Variants in VNN2 observed in about 807,000 individuals in gnomAD.
The protein encoded by VNN2 is vanin 2.
VNN2 carries 43 observed loss-of-function variants against 43.0 expected under a neutral mutation model. The ratio of observed to expected loss-of-function variants is 1.00; its 90% CI spans 0.78 to 1.29. The LOEUF (loss-of-function observed/expected upper bound fraction) is 1.29. Ranked by LOEUF, VNN2 falls within the 50% of genes most tolerant of loss-of-function variation. The pLI is 0.00. For missense variants in VNN2, 652 were observed against 619.7 expected, an observed-to-expected ratio of 1.05 and a Z score of -0.55; for synonymous variants, 230 against 224.3, an observed-to-expected ratio of 1.03 and a Z score of -0.23.
At chr6:132,757,609 T>C (rs1582838393) in intron 1 of VNN2, 62 bp downstream of exon 1, 1 of 1,607,596 alleles carries the variant, frequency 6.2e-7, no homozygotes. Context: ...TTCAGCTCTC[T>C]CGTCTTCCAC....
intron 6 of VNN2, among the ~76,000 whole-genome samples, chr6:132,745,649 G>A (rs1779672000): frequency 6.6e-6 from 1 of 152,192 alleles, no homozygotes; most frequent in South Asian, 2.1e-4. Context: ...TCACACCACT[G>A]GCTAGCGCTG....
At chr6:132,745,878 G>A (rs1367888445) in intron 6 of VNN2, among the ~76,000 whole-genome samples, 1 of 152,240 alleles carries the variant, frequency 6.6e-6, no homozygotes, top group East Asian at 1.9e-4. Context: ...TGTGGAAATG[G>A]AGTTGGAATG....
intron 3 of VNN2, among the ~76,000 whole-genome samples, chr6:132,754,531 T>A (rs958901792): frequency 5.3e-5 from 8 of 152,306 alleles, no homozygotes; most frequent in African/African-American, 1.4e-4. Flanking sequence ...CAGGAGATAA[T>A]TTCTCCACTC....
intron 6 of VNN2, among the ~76,000 whole-genome samples, chr6:132,746,103 A>G (rs34994868): frequency 1.4e-4 from 22 of 152,348 alleles, no homozygotes; most frequent in Non-Finnish European, 2.8e-4. Flanking sequence ...TAGGAAATTC[A>G]GAGGTTAAGT....
chr6:132,746,437 C>T (rs1162665767), intron 6 of VNN2, among the ~76,000 whole-genome samples: 1 of 152,082 alleles, frequency 6.6e-6, no homozygotes, highest in Non-Finnish European at 1.5e-5. Flanking sequence ...TTGTCATCTT[C>T]AATATTATGA....
rs768497730 is a variant in VNN2, at chr6:132,751,450, G to A, written c.895C>T (p.Leu299Phe). ...HYDMKTELGK[L>F]LLSEVDSHPL... The stretch of plus-strand genomic sequence containing the variant: ...TGTGAATCCACCTCTGAAAGGAGAA[G>A]TTTTCCCAACTCTGTCTTCATGTCA... Residue 299 changes from leucine (L) to phenylalanine (F), a missense_variant, in exon 5 of 7, where the codon CTT (leucine) becomes TTT (phenylalanine). Transcript: ENST00000326499. The A allele has an allele frequency of 2.5e-6, 4 of 1,614,026 alleles. No homozygotes were observed. Among genetic ancestry groups the A allele is most frequent in the African/African-American group, 1.3e-5 (1 of 74,924 alleles).
intron 5 of VNN2, 126 bp from the exon 6 acceptor site, chr6:132,749,991 A>T (rs894534285): frequency 2.2e-6 from 2 of 914,748 alleles, no homozygotes; most frequent in Admixed American, 3.3e-5. Flanking sequence ...GATTTGGATC[A>T]TGTGTCTTAT....
rs1424879380 is a variant in VNN2, at chr6:132,752,659, T to A, written c.628A>T (p.Thr210Ser). The A allele has an allele frequency of 2.5e-6, 4 of 1,613,996 alleles. No individual in the cohort carries two copies. The highest frequency in any genetic ancestry group is 3.3e-5 in the Admixed American group (2 of 59,992). ...TCATAGAAGAATATATCAAAGCACG[T>A]GAAAATGCCAAACCTTCCAAATGCG... The part of the protein sequence containing the change: ...NTAFGRFGIF[T>S]CFDIFFYDPG... Residue 210 changes from threonine (T) to serine (S), a missense_variant, in exon 4 of 7, where the codon ACG becomes TCG. Coordinates refer to ENST00000326499, the MANE Select transcript of VNN2 (RefSeq NM_004665.6).
intron 3 of VNN2, among the ~76,000 whole-genome samples, chr6:132,755,520 T>C (rs983379473): frequency 3.3e-5 from 5 of 151,958 alleles, no homozygotes; most frequent in African/African-American, 1.2e-4. Flanking sequence ...ACTACAGGCA[T>C]GTGCCATCAC....
chr6:132,750,516 T>A (rs1396185530), intron 5 of VNN2, among the ~76,000 whole-genome samples: 11 of 145,668 alleles, frequency 7.6e-5, no homozygotes, highest in Non-Finnish European at 1.1e-4. Context: ...TATATATATT[T>A]TTCCAGGTGT....
Position 132,756,863 on chromosome 6 carries a change from C to T in VNN2, c.344+553G>A, listed in dbSNP as rs35453603. ...ATGCCAGACTTGTCCATGCAACTGC[C>T]ACGTTGACACCTCCAGGATGACAGT... On this transcript the variant is annotated intron_variant, in intron 2 of 6. Coordinates refer to ENST00000326499, the MANE Select transcript of VNN2 (RefSeq NM_004665.6). Among the ~76,000 whole-genome samples the T allele has an allele frequency of 3.3e-3, 497 of 152,254 alleles. 1 individual carries two copies. The highest frequency in any genetic ancestry group is 0.012 in the African/African-American group (481 of 41,542).
chr6:132,748,471 C>G (rs1212739777), intron 6 of VNN2, among the ~76,000 whole-genome samples: 1 of 152,174 alleles, frequency 6.6e-6, no homozygotes, highest in Admixed American at 6.5e-5. Context: ...ACAGCAGATA[C>G]AGATACATGA....
intron 5 of VNN2, 122 bp from the exon 6 acceptor site, chr6:132,749,987 G>A: frequency 1.0e-6 from 1 of 955,414 alleles, no homozygotes; most frequent in Admixed American, 3.3e-5. Flanking sequence ...AAGGGATTTG[G>A]ATCATGTGTC....
chr6:132,756,400 T>C (rs934978574), intron 2 of VNN2, among the ~76,000 whole-genome samples: 1 of 152,196 alleles, frequency 6.6e-6, no homozygotes, highest in African/African-American at 2.4e-5. Flanking sequence ...CTCATCTCTC[T>C]CTTAAAGCAA....
At chr6:132,754,133 A>G (rs1412115150) in intron 3 of VNN2, among the ~76,000 whole-genome samples, 2 of 152,162 alleles carry the variant, frequency 1.3e-5, no homozygotes, top group Non-Finnish European at 2.9e-5. Context: ...CATTCAGTGC[A>G]CTGTGCCATC....
rs1384301372 is a variant in VNN2 at position 132,751,356 on chromosome 6, A to G, written c.989T>C (p.Phe330Ser). The stretch of plus-strand genomic sequence containing the variant: ...CCTGAAAGTGTTTTTCTGTACTGGA[A>G]ATGGTTTGATGGTGGTGGCGTAGGC... ...WNAYATTIKP[F>S]PVQKNTFRGF... The change falls in exon 5 of 7, where the codon TTT (phenylalanine) becomes TCT (serine). Residue 330 changes from phenylalanine to serine, a missense_variant. By Grantham distance (155) the Phe-to-Ser change is radical. Transcript: ENST00000326499. 2 of 1,614,036 alleles carry G rather than the reference A, an allele frequency of 1.2e-6. No homozygotes were observed. The highest frequency in any genetic ancestry group is 1.7e-6 in the Non-Finnish European group (2 of 1,180,022).
At position 132,754,082 on chromosome 6, in the gene VNN2, A is replaced by G. The variant is rs567690771; in HGVS notation, c.538-1333T>C. The G allele has an allele frequency of 2.0e-5, 3 of 152,250 alleles. No homozygotes were observed. The East Asian group carries it at 5.8e-4, about 29-fold the overall frequency. 9.4% of individuals were successfully genotyped at this position (152,250 alleles called of 1,614,324 possible). A position where few individuals can be genotyped will look rare whatever the true frequency, so the allele number is the denominator to read the frequency against. On this transcript the variant is annotated intron_variant, in intron 3 of 6. Coordinates refer to ENST00000326499, the MANE Select transcript of VNN2 (RefSeq NM_004665.6). ...CTCAGGGAAGAGTGAGAGCCTTTCA[A>G]CTTAGACAGGGTGACTGCAGGTTCC... is the stretch of plus-strand genomic sequence containing the variant.
chr6:132,752,523 G>A lies in VNN2; in HGVS notation c.764C>T (p.Ala255Val), dbSNP rs143802266. ...AAGAAGATTAACTCCCATTCCCATT[G>A]CCCAAGCTGAATGGAATTCAATAGC... is the stretch of plus-strand genomic sequence containing the variant. ...LTAIEFHSAW[A>V]MGMGVNLLVA... The change falls in exon 4 of 7, where the codon GCA becomes GTA. Residue 255 changes from alanine (A) to valine (V), a missense_variant. Physicochemically the swap from Ala to Val is moderately conservative, Grantham distance 64. Coordinates refer to ENST00000326499, the MANE Select transcript of VNN2 (RefSeq NM_004665.6). 1 of 1,613,974 alleles carries A rather than the reference G, an allele frequency of 6.2e-7. No individual in the cohort carries two copies. Among genetic ancestry groups the A allele is most frequent in the African/African-American group, 1.3e-5 (1 of 74,896 alleles).
chr6:132,745,003 C>T (rs970371183), intron 6 of VNN2, among the ~76,000 whole-genome samples: 11 of 152,112 alleles, frequency 7.2e-5, no homozygotes, highest in Middle Eastern at 3.4e-3. Context: ...CTTTCAAGGG[C>T]TGTATGGTGG....
Sources: allele counts gnomAD v4.1 joint callset (sites outside exome capture counted in the v4.1 genomes callset), GRCh38; gene constraint gnomAD v4.1.1; transcripts MANE v1.5; gene names NCBI Gene and HGNC (gene_info 2026-07-23, HGNC 2026-07-21).